Variants in ABRAXAS1 observed in about 807,000 individuals in gnomAD.
ABRAXAS1 encodes the protein BRCA1-A complex subunit Abraxas 1.
Under a neutral mutation model 38.4 loss-of-function variants are expected in ABRAXAS1, and 26 were observed. The observed-to-expected ratio is 0.68, with a 90% CI of 0.50 to 0.94. The LOEUF (loss-of-function observed/expected upper bound fraction) is 0.94, where lower values mean the gene tolerates loss of function less well. Among genes scored for constraint, ABRAXAS1 ranks in the 40% least tolerant of loss-of-function variants. ABRAXAS1 has a pLI of 0.00. For missense variants in ABRAXAS1, 438 were observed against 481.9 expected, an observed-to-expected ratio of 0.91 and a Z score of 0.85; for synonymous variants, 144 against 165.5, an observed-to-expected ratio of 0.87 and a Z score of 1.00.
chr4:83,473,060 C>T (rs1722641574), intron 3 of ABRAXAS1, among the ~76,000 whole-genome samples: 1 of 152,102 alleles, frequency 6.6e-6, no homozygotes, highest in Non-Finnish European at 1.5e-5. Context: ...GGGTGGATGG[C>T]TCGAGCCCAG....
chr4:83,484,917 G>A, intron 1 of ABRAXAS1, 69 bp downstream of exon 1: 2 of 1,361,748 alleles, frequency 1.5e-6, no homozygotes, highest in Non-Finnish European at 2.0e-6. Flanking sequence ...CGGAGCAACA[G>A]CGGGGAGGCA....
Position 83,470,347 on chromosome 4 carries a change from G to A in ABRAXAS1, c.332C>T (p.Thr111Met), listed in dbSNP as rs1553936765. The A allele has an allele frequency of 7.4e-6, 12 of 1,613,844 alleles. No homozygotes were observed. Among genetic ancestry groups the A allele is most frequent in the South Asian group, 3.3e-5 (3 of 91,066 alleles). Residue 111 changes from threonine to methionine, a missense_variant, in exon 5 of 9, where the codon ACG (threonine) becomes ATG (methionine). Thr to Met is a moderately conservative substitution (Grantham distance 81). Coordinates refer to ENST00000321945, the MANE Select transcript of ABRAXAS1 (RefSeq NM_139076.3). ...KFRRHSDQIMTFRERLLHKNL... is the reference protein window; with the variant it reads ...KFRRHSDQIMMFRERLLHKNL... ...TTTGTGAAGCAGCCTCTCTCTAAAC[G>A]TCATGATCTGATCTGAATGACGACG...
At chr4:83,483,903 G>T in intron 1 of ABRAXAS1, 1 of 513,772 alleles carries the variant, frequency 1.9e-6, no homozygotes, top group Non-Finnish European at 2.5e-6. Context: ...AATTTCCACA[G>T]CTACACATAT....
intron 8 of ABRAXAS1, 59 bp from the exon 9 acceptor site, chr4:83,462,961 TTAAC>T (rs775451323): frequency 1.7e-6 from 2 of 1,189,190 alleles, no homozygotes; most frequent in South Asian, 1.6e-5. Flanking sequence ...GCTTTTATAA[TTAAC>T]TATTTGTAAG....
chr4:83,478,953 G>A (rs1436710542), intron 2 of ABRAXAS1: 7 of 152,016 alleles, frequency 4.6e-5, no homozygotes, highest in Admixed American at 2.6e-4. Flanking sequence ...CAAAGAATAG[G>A]CCTATCCTTT....
At chr4:83,477,013 G>A (rs747410421) in intron 2 of ABRAXAS1, among the ~76,000 whole-genome samples, 60 of 152,268 alleles carry the variant, frequency 3.9e-4, no homozygotes, top group Admixed American at 1.4e-3. Context: ...CATTTTCACC[G>A]AGTTCTAAAA....
At position 83,472,277 on chromosome 4, in the gene ABRAXAS1, G is replaced by A; in HGVS notation, c.227C>T (p.Ser76Phe). 6.6e-7 allele frequency: 1 copy of A among 1,516,752 alleles called. No individual in the cohort carries two copies. Among genetic ancestry groups the A allele is most frequent in the Non-Finnish European group, 8.8e-7 (1 of 1,131,678 alleles). 94.0% of individuals were successfully genotyped at this position (1,516,752 alleles called of 1,614,324 possible). The change falls in exon 4 of 9, where the codon TCT becomes TTT. Residue 76 changes from serine (S) to phenylalanine (F), a missense_variant. Physicochemically the swap from Ser to Phe is radical, Grantham distance 155. This residue lies in a region of ABRAXAS1 where 194 missense variants were observed against 269.0 expected (regional missense o/e 0.72). Coordinates refer to ENST00000321945, the MANE Select transcript of ABRAXAS1 (RefSeq NM_139076.3). ...PCYQLFSFYN[S>F]SGEVNEQALK... ...TGCTTGCTCATTTACTTCGCCTGAA[G>A]AATTATAAAAGCTGTAAAAGCCAAA...
At chr4:83,463,392 C>CT (rs1722221703) in intron 8 of ABRAXAS1, 102 bp downstream of exon 8, 2 of 755,050 alleles carry the variant, frequency 2.6e-6, no homozygotes, top group Non-Finnish European at 4.1e-6. Context: ...GAGATCACAC[C>CT]TTTGCACTCC....
chr4:83,473,224 G>A (rs1722645568), intron 3 of ABRAXAS1, among the ~76,000 whole-genome samples: 1 of 151,944 alleles, frequency 6.6e-6, no homozygotes, highest in Admixed American at 6.5e-5. Context: ...AATTTGCAGT[G>A]AGATGAGATG....
intron 2 of ABRAXAS1, chr4:83,478,960 C>CT (rs936048959): frequency 2.6e-5 from 4 of 152,038 alleles, no homozygotes; most frequent in African/African-American, 9.7e-5. Flanking sequence ...TAGGCCTATC[C>CT]TTTTCAGAGA....
chr4:83,472,927 CTCAT>C (rs1248473317), intron 3 of ABRAXAS1, among the ~76,000 whole-genome samples: 3 of 152,122 alleles, frequency 2.0e-5, no homozygotes, highest in African/African-American at 4.8e-5. Context: ...CTTTTTACCA[CTCAT>C]TAAGATCAAC....
chr4:83,473,522 A>T (rs1722656884), intron 3 of ABRAXAS1, among the ~76,000 whole-genome samples: 1 of 152,060 alleles, frequency 6.6e-6, no homozygotes, highest in Non-Finnish European at 1.5e-5. Flanking sequence ...TTTTATGTAG[A>T]AACTGATATA....
In ABRAXAS1 at chr4:83,479,430, G is replaced by T. The variant is rs1722901499; in HGVS notation, c.178+2724C>A. 2.0e-5 allele frequency: 3 copies of T among 150,182 alleles called. No individual in the cohort carries two copies. In the South Asian group the frequency reaches 6.4e-4, roughly 32 times the overall value. 9.3% of individuals were successfully genotyped at this position (150,182 alleles called of 1,614,324 possible). A position where few individuals can be genotyped will look rare whatever the true frequency, so the allele number is the denominator to read the frequency against. On this transcript the variant is annotated intron_variant, in intron 2 of 8. Transcript: ENST00000321945. ...AAAAAAAAAAAAAAAAAAGAGTATGGGGACCTAGGCACTTTTATATACTGT... is the reference window on the plus strand; with the variant it reads ...AAAAAAAAAAAAAAAAAAGAGTATGTGGACCTAGGCACTTTTATATACTGT...
intron 7 of ABRAXAS1, among the ~76,000 whole-genome samples, chr4:83,464,336 G>C (rs1316658284): frequency 6.6e-6 from 1 of 152,204 alleles, no homozygotes; most frequent in Non-Finnish European, 1.5e-5. Flanking sequence ...TTTCCTGTAA[G>C]AGAAACTACT....
In ABRAXAS1 at chr4:83,469,030, A is replaced by G. The variant is rs1039672162; in HGVS notation, c.596+2T>C. ...TTTTGTGAGAAAGCAGTTGAATCTT[A>G]CCTGTGTGTTTGTACTGCTCGGCTA... On this transcript the variant is annotated splice_donor_variant, in intron 6 of 8. Coordinates refer to ENST00000321945, the MANE Select transcript of ABRAXAS1 (RefSeq NM_139076.3). LOFTEE classifies it high-confidence loss of function. 1.2e-6 allele frequency: 2 copies of G among 1,611,128 alleles called. No homozygotes were observed. The highest frequency in any genetic ancestry group is 1.3e-5 in the African/African-American group (1 of 74,826).
In ABRAXAS1 at chr4:83,460,996, G is replaced by A. The variant is rs1722083936; in HGVS notation, c.*1473C>T. 2 of 1,608,750 alleles carry A rather than the reference G, an allele frequency of 1.2e-6. No homozygotes were observed. Among genetic ancestry groups the A allele is most frequent in the African/African-American group, 2.7e-5 (2 of 74,426 alleles). On this transcript the variant is annotated 3_prime_UTR_variant, in exon 9 of 9. Coordinates refer to ENST00000321945, the MANE Select transcript of ABRAXAS1 (RefSeq NM_139076.3). The stretch of plus-strand genomic sequence containing the variant: ...AGGTCTTTGTGGGAAGAAACAGAAA[G>A]AAATCACAAAAGCAATTAAGAGAGC...
Position 83,469,203 on chromosome 4 carries a change from T to C in ABRAXAS1, c.477-52A>G, listed in dbSNP as rs774338791. On this transcript the variant is annotated intron_variant, in intron 5 of 8. Transcript: ENST00000321945. The stretch of plus-strand genomic sequence containing the variant: ...AACTTAGAATGAAAAGAAAGATTAG[T>C]ATCTACCTGCTGGAATAGATTACTT... 12 of 1,496,138 alleles carry C rather than the reference T, an allele frequency of 8.0e-6. No homozygotes were observed. In the African/African-American group the frequency reaches 1.5e-4, roughly 19 times the overall value. 92.7% of individuals were successfully genotyped at this position (1,496,138 alleles called of 1,614,324 possible).
At chr4:83,464,715 A>G (rs1014203655) in intron 7 of ABRAXAS1, among the ~76,000 whole-genome samples, 2 of 152,172 alleles carry the variant, frequency 1.3e-5, no homozygotes, top group African/African-American at 4.8e-5. Context: ...GGCAATCTGG[A>G]GGTATTACAT....
At chr4:83,471,481 T>C (rs1317907118) in intron 4 of ABRAXAS1, among the ~76,000 whole-genome samples, 1 of 152,048 alleles carries the variant, frequency 6.6e-6, no homozygotes, top group African/African-American at 2.4e-5. Flanking sequence ...GTACTGGGAT[T>C]AAAGGCATGA....
Sources: allele counts gnomAD v4.1 joint callset (sites outside exome capture counted in the v4.1 genomes callset), GRCh38; gene constraint gnomAD v4.1.1; regional missense constraint gnomAD v4.1.1; transcripts MANE v1.5; gene names NCBI Gene and HGNC (gene_info 2026-07-23, HGNC 2026-07-21).